ZFHX3: variants seen among roughly 807,000 people sequenced by gnomAD.
ZFHX3 encodes the protein zinc finger homeobox protein 3.
A neutral mutation model predicts 279.1 loss-of-function variants in ZFHX3; 42 were observed. The ratio of observed to expected loss-of-function variants is 0.15; its 90% confidence interval spans 0.12 to 0.19. The LOEUF (loss-of-function observed/expected upper bound fraction) is 0.19, where lower values mean the gene tolerates loss of function less well. Among genes scored for constraint, ZFHX3 ranks in the 10% least tolerant of loss-of-function variants. ZFHX3 has a pLI of 1.00. For missense variants in ZFHX3, 4,981 were observed against 4,754.0 expected, an observed-to-expected ratio of 1.05 and a Z score of -1.40; for synonymous variants, 2,293 against 1,957.8, an observed-to-expected ratio of 1.17 and a Z score of -4.52.
chr16:73,663,974 C>T (rs141433108), intron 2 of ZFHX3, among the ~76,000 whole-genome samples: 28 of 152,304 alleles, frequency 1.8e-4, no homozygotes, highest in African/African-American at 3.6e-4. Flanking sequence ...CTTTGGGGAA[C>T]ACCACCCATT....
intron 2 of ZFHX3, among the ~76,000 whole-genome samples, chr16:73,572,383 C>T (rs825678): frequency 0.65 from 99,394 of 152,018 alleles, 33,262 homozygotes; most frequent in African/African-American, 0.76. Context: ...AATGACACAC[C>T]TTGAAGGACA....
rs1246339818 is a variant in ZFHX3, at chr16:72,787,704, G to A, written c.10572C>T (p.Gly3524=). ...CCAGGCAGTGGTACGAGCCGCCGCC[G>A]CCGCCGCCGCCGCCACCGCCGCCGC... ...GGGGGGGGGG[G]GGGSYHCLAC... The change falls in exon 10 of 10, where the codon GGC becomes GGT. Residue 3524 remains glycine, a synonymous_variant. Transcript: ENST00000268489. The A allele has an allele frequency of 2.7e-5, 37 of 1,384,742 alleles. No homozygotes were observed. The Admixed American group carries it at 3.9e-4, about 15-fold the overall frequency. 85.8% of individuals were successfully genotyped at this position (1,384,742 alleles called of 1,614,324 possible).
chr16:73,291,455 G>A (rs1023490828), intron 4 of ZFHX3, among the ~76,000 whole-genome samples: 17 of 152,220 alleles, frequency 1.1e-4, no homozygotes, highest in African/African-American at 3.6e-4. Context: ...GTCCTCCAGA[G>A]ATACGTGTGA....
chr16:73,155,979 T>A (rs1967071615), intron 5 of ZFHX3, among the ~76,000 whole-genome samples: 1 of 152,082 alleles, frequency 6.6e-6, no homozygotes, highest in Non-Finnish European at 1.5e-5. Context: ...ACGCCTGTAA[T>A]CTCAGCACTT....
intron 1 of ZFHX3, among the ~76,000 whole-genome samples, chr16:72,971,493 C>A (rs567034451): frequency 1.3e-5 from 2 of 152,274 alleles, no homozygotes; most frequent in African/African-American, 2.4e-5. Flanking sequence ...AAGCTGCATG[C>A]TAGTTTAGTC....
At chr16:73,888,172 T>A (rs975991250) in intron 1 of ZFHX3, among the ~76,000 whole-genome samples, 1 of 152,152 alleles carries the variant, frequency 6.6e-6, no homozygotes, top group Non-Finnish European at 1.5e-5. Flanking sequence ...TACTGAATAA[T>A]GCTCACGTCA....
chr16:73,471,629 A>T (rs1021170223), intron 2 of ZFHX3, among the ~76,000 whole-genome samples: 9 of 152,122 alleles, frequency 5.9e-5, no homozygotes, highest in African/African-American at 1.9e-4. Flanking sequence ...TTCACTGCAC[A>T]TCCAACTGAC....
At chr16:72,837,889 A>G (rs901112960) in intron 4 of ZFHX3, among the ~76,000 whole-genome samples, 1 of 149,804 alleles carries the variant, frequency 6.7e-6, no homozygotes, top group Non-Finnish European at 1.5e-5. Context: ...GATGTGATCC[A>G]CTATGCCTGG....
intron 1 of ZFHX3, among the ~76,000 whole-genome samples, chr16:73,718,217 C>A (rs1040709465): frequency 4.6e-5 from 7 of 152,172 alleles, no homozygotes; most frequent in Admixed American, 3.9e-4. Flanking sequence ...TCGCGACAAG[C>A]CTGGCCAACA....
intron 3 of ZFHX3, among the ~76,000 whole-genome samples, chr16:72,890,163 C>T (rs1487224691): frequency 2.6e-5 from 4 of 152,158 alleles, no homozygotes; most frequent in African/African-American, 7.2e-5. Flanking sequence ...AACTGTAATC[C>T]CCACGTGTTG....
chr16:73,307,828 G>A (rs759133827), intron 4 of ZFHX3, among the ~76,000 whole-genome samples: 4 of 152,020 alleles, frequency 2.6e-5, no homozygotes, highest in South Asian at 2.1e-4. Flanking sequence ...AGAAGTATTC[G>A]GCATTATTTT....
chr16:73,575,187 C>T (rs377661348), intron 2 of ZFHX3, among the ~76,000 whole-genome samples: 17 of 152,308 alleles, frequency 1.1e-4, no homozygotes, highest in Non-Finnish European at 1.6e-4. Context: ...TTTTCAGAAT[C>T]CTGCTCCTGG....
intron 1 of ZFHX3, among the ~76,000 whole-genome samples, chr16:73,037,923 CG>C (rs745607214): frequency 7.2e-5 from 11 of 152,146 alleles, no homozygotes; most frequent in Non-Finnish European, 1.6e-4. Context: ...TGCCATAAAT[CG>C]TAACTGGCCC....
intron 2 of ZFHX3, among the ~76,000 whole-genome samples, chr16:73,564,979 A>C (rs1013084650): frequency 6.6e-6 from 1 of 152,182 alleles, no homozygotes; most frequent in African/African-American, 2.4e-5. Flanking sequence ...GAGGCCAGGC[A>C]CGGTGGCTCA....
At chr16:73,181,061 T>C (rs565708797) in intron 5 of ZFHX3, among the ~76,000 whole-genome samples, 3 of 146,114 alleles carry the variant, frequency 2.1e-5, no homozygotes, top group Non-Finnish European at 4.5e-5. Flanking sequence ...GAAGCAAGGC[T>C]GCAGCTAGTT....
At chr16:73,027,538 A>G (rs73594773) in intron 1 of ZFHX3, among the ~76,000 whole-genome samples, 2,154 of 152,350 alleles carry the variant, frequency 0.014, 57 homozygotes, top group African/African-American at 0.049. Flanking sequence ...CCATAAATAC[A>G]CAACGCATGC....
intron 2 of ZFHX3, among the ~76,000 whole-genome samples, chr16:73,500,979 A>C (rs2143664615): frequency 6.6e-6 from 1 of 152,386 alleles, no homozygotes; most frequent in Non-Finnish European, 1.5e-5. Context: ...ACTCACTGGC[A>C]CACCTAGAGC....
At chr16:73,253,791 A>G (rs982261048) in intron 5 of ZFHX3, among the ~76,000 whole-genome samples, 3 of 152,174 alleles carry the variant, frequency 2.0e-5, no homozygotes, top group African/African-American at 7.2e-5. Flanking sequence ...CTGTGTAGGC[A>G]AGGAGCAGAG....
intron 8 of ZFHX3, among the ~76,000 whole-genome samples, chr16:73,079,320 T>G (rs1597149673): frequency 6.7e-6 from 1 of 150,318 alleles, no homozygotes; most frequent in Non-Finnish European, 1.5e-5. Flanking sequence ...AGGTCAGGAG[T>G]TCAAGACCAG....
Sources: allele counts gnomAD v4.1 joint callset (sites outside exome capture counted in the v4.1 genomes callset), GRCh38; gene constraint gnomAD v4.1.1; transcripts MANE v1.5; gene names NCBI Gene and HGNC (gene_info 2026-07-23, HGNC 2026-07-21).